PCDHA5: variants seen among roughly 807,000 people sequenced by gnomAD.
The protein encoded by PCDHA5 is protocadherin alpha-5.
PCDHA5 carries 43 observed loss-of-function variants against 61.6 expected under a neutral mutation model. The observed-to-expected ratio is 0.70, with a 90% CI of 0.55 to 0.90. PCDHA5 has a LOEUF of 0.90. Among genes scored for constraint, PCDHA5 ranks in the 40% least tolerant of loss-of-function variants. The pLI, the probability that PCDHA5 is intolerant of heterozygous loss-of-function variation, is 0.00. For missense variants in PCDHA5, 1,298 were observed against 1,222.7 expected (o/e 1.06, Z -0.92); for synonymous variants, 627 against 543.9 (o/e 1.15, Z -2.13).
intron 1 of PCDHA5, chr5:140,842,147 G>A: frequency 6.2e-7 from 1 of 1,613,842 alleles, no homozygotes; most frequent in Non-Finnish European, 8.5e-7. Flanking sequence ...AGCCAATGGG[G>A]CAATTTCATA....
intron 1 of PCDHA5, among the ~76,000 whole-genome samples, chr5:140,963,206 A>C (rs988428405): frequency 2.0e-5 from 3 of 152,084 alleles, no homozygotes; most frequent in East Asian, 1.9e-4. Flanking sequence ...GAAAAAAAAA[A>C]CCTCGTGTTT....
rs113297104 is a variant in PCDHA5 at position 140,984,945 on chromosome 5, CT to C, written c.2500+2392del. On this transcript the variant is annotated intron_variant, in intron 3 of 3. Transcript: ENST00000529859. The stretch of plus-strand genomic sequence containing the variant: ...GACATATAGTTAATAAATGTCTAAT[CT>C]TTTTTTTTTGAGACAGAGTCTCGCT... Among the ~76,000 whole-genome samples the C allele has an allele frequency of 9.4e-3, 1,407 of 149,276 alleles. 15 individuals are homozygous for C. Among genetic ancestry groups the C allele is most frequent in the East Asian group, 0.044 (226 of 5,092 alleles).
chr5:140,829,438 T>G, intron 1 of PCDHA5: 1 of 1,613,992 alleles, frequency 6.2e-7, no homozygotes, highest in Non-Finnish European at 8.5e-7. Flanking sequence ...CCGACATGAA[T>G]GACAATGCTC....
At chr5:140,971,682 T>C (rs782404162) in intron 1 of PCDHA5, among the ~76,000 whole-genome samples, 5 of 152,156 alleles carry the variant, frequency 3.3e-5, no homozygotes, top group Non-Finnish European at 4.4e-5. Flanking sequence ...AGTAAGGGAA[T>C]TTGTACTCAC....
In PCDHA5 at chr5:141,010,171, A is replaced by G. The variant is rs2098416277; in HGVS notation, c.*234A>G. On this transcript the variant is annotated 3_prime_UTR_variant, in exon 4 of 4. Transcript: ENST00000529859. ...CCACTCTGGCTTGTTTTCAGAACCTAAAAAGCAGACCCAAGTTTCCTTTCT... is the reference window on the plus strand; with the variant it reads ...CCACTCTGGCTTGTTTTCAGAACCTGAAAAGCAGACCCAAGTTTCCTTTCT... The G allele has an allele frequency of 3.2e-6, 5 of 1,559,030 alleles. No individual in the cohort carries two copies. Among genetic ancestry groups the G allele is most frequent in the Non-Finnish European group, 4.3e-6 (5 of 1,150,704 alleles).
intron 1 of PCDHA5, among the ~76,000 whole-genome samples, chr5:140,893,642 T>C (rs1479834135): frequency 1.3e-5 from 2 of 152,230 alleles, no homozygotes; most frequent in African/African-American, 2.4e-5. Context: ...TATAGTATTT[T>C]TGGCTGATAG....
chr5:140,885,920 C>T (rs1554182299), intron 1 of PCDHA5, among the ~76,000 whole-genome samples: 1 of 151,998 alleles, frequency 6.6e-6, no homozygotes, highest in East Asian at 1.9e-4. Context: ...TAGATATTAA[C>T]TGTTTATCTA....
At chr5:140,978,896 G>T in intron 1 of PCDHA5, 53 bp from the exon 2 acceptor site, 1 of 1,612,808 alleles carries the variant, frequency 6.2e-7, no homozygotes, top group South Asian at 1.1e-5. Context: ...CAGCATTCCT[G>T]GGAGAACATT....
intron 1 of PCDHA5, among the ~76,000 whole-genome samples, chr5:140,936,528 T>C (rs2091012406): frequency 6.6e-6 from 1 of 152,244 alleles, no homozygotes; most frequent in Non-Finnish European, 1.5e-5. Flanking sequence ...TGAAATTGCT[T>C]TTGAATATAG....
At chr5:140,911,250 A>G (rs1165718759) in intron 1 of PCDHA5, among the ~76,000 whole-genome samples, 1 of 152,166 alleles carries the variant, frequency 6.6e-6, no homozygotes. Context: ...AAGTTTCATC[A>G]GAATTTATAA....
At chr5:140,868,986 C>T in intron 1 of PCDHA5, 1 of 1,503,326 alleles carries the variant, frequency 6.7e-7, no homozygotes. Flanking sequence ...TACCGGATGC[C>T]ACCGTTTAAG....
At chr5:140,884,193 C>T (rs1554181316) in intron 1 of PCDHA5, 2 of 1,613,432 alleles carry the variant, frequency 1.2e-6, no homozygotes, top group African/African-American at 1.3e-5. Flanking sequence ...GAGGTGGACG[C>T]GCCGCACCAC....
chr5:140,834,475 T>G, intron 1 of PCDHA5: 1 of 1,614,156 alleles, frequency 6.2e-7, no homozygotes, highest in Non-Finnish European at 8.5e-7. Context: ...AGAGGCCAGC[T>G]CCACTACTCG....
chr5:140,903,525 C>T (rs1322141732), intron 1 of PCDHA5, among the ~76,000 whole-genome samples: 1 of 152,164 alleles, frequency 6.6e-6, no homozygotes, highest in African/African-American at 2.4e-5. Context: ...GTGTTGTTCA[C>T]TTTAAACTAG....
chr5:141,009,953 A>G lies in PCDHA5; in HGVS notation c.*16A>G, dbSNP rs782663496. 3 of 1,592,888 alleles carry G rather than the reference A, an allele frequency of 1.9e-6. No homozygotes were observed. Among genetic ancestry groups the G allele is most frequent in the Non-Finnish European group, 2.6e-6 (3 of 1,172,546 alleles). On this transcript the variant is annotated 3_prime_UTR_variant, in exon 4 of 4. Transcript: ENST00000529859. ...TGACCAGTGAGGTCCTCAAATGGAA[A>G]CAAGCCACTTAGCCAGTTTTTGTAA...
chr5:140,928,801 G>C, intron 1 of PCDHA5: 1 of 1,614,184 alleles, frequency 6.2e-7, no homozygotes, highest in Non-Finnish European at 8.5e-7. Context: ...GGTGGTGGTA[G>C]TGGTTCGGGA....
intron 1 of PCDHA5, among the ~76,000 whole-genome samples, chr5:140,890,162 A>G (rs1433054233): frequency 6.6e-6 from 1 of 152,184 alleles, no homozygotes; most frequent in Non-Finnish European, 1.5e-5. Context: ...TATTTCTGCC[A>G]CAGAAATAGG....
intron 1 of PCDHA5, chr5:140,927,699 G>A (rs155361): frequency 0.52 from 840,731 of 1,613,754 alleles, 221,277 homozygotes; most frequent in African/African-American, 0.71. Context: ...GGGAAGTCCA[G>A]TACTCCCTAA....
intron 1 of PCDHA5, chr5:140,849,568 C>G: frequency 1.3e-6 from 2 of 1,598,620 alleles, no homozygotes; most frequent in Non-Finnish European, 1.7e-6. Flanking sequence ...CTCTCGGTTC[C>G]TGTAAAAGAG....
Sources: gnomAD v4.1 joint callset for allele counts (sites outside exome capture counted in the v4.1 genomes callset) on GRCh38, gnomAD v4.1.1 for gene constraint, MANE v1.5 for transcripts, NCBI Gene and HGNC (gene_info 2026-07-23, HGNC 2026-07-21) for gene names.